The following CDK14 variants were observed in gnomAD, a reference collection of about 807,000 sequenced individuals.
The protein encoded by CDK14 is cyclin dependent kinase 14.
In CDK14, 34 loss-of-function variants were observed where a neutral mutation model predicts 60.7. The ratio of observed to expected loss-of-function variants is 0.56; its 90% CI spans 0.43 to 0.75. The LOEUF is 0.75. Ranked by LOEUF, CDK14 falls within the 30% of genes least tolerant of loss-of-function variation. The pLI is 0.00. For missense variants in CDK14, 482 were observed against 564.1 expected (o/e 0.85, Z 1.47); for synonymous variants, 197 against 203.7 (o/e 0.97, Z 0.28).
chr7:91,066,340 C>T (rs1797980034), intron 11 of CDK14, among the ~76,000 whole-genome samples: 1 of 152,076 alleles, frequency 6.6e-6, no homozygotes, highest in African/African-American at 2.4e-5. Context: ...CTATGGACCC[C>T]CCTCTTTGTC....
Position 91,142,528 on chromosome 7 carries a change from A to G in CDK14, c.*28+24320A>G, listed in dbSNP as rs374609156. On this transcript the variant is annotated intron_variant, in intron 14 of 14. Transcript: ENST00000380050. ...GCCTTTTGTTGTAAGAAGAATTGAC[A>G]AGAGCCTATTTCCTTGTATAAATAA... Among the ~76,000 whole-genome samples, 9 of 152,354 alleles carry G rather than the reference A, an allele frequency of 5.9e-5. No homozygotes were observed. The East Asian group carries it at 9.7e-4, about 16-fold the overall frequency.
intron 8 of CDK14, among the ~76,000 whole-genome samples, chr7:90,931,321 T>C (rs1367428411): frequency 6.6e-6 from 1 of 152,188 alleles, no homozygotes; most frequent in East Asian, 1.9e-4. Flanking sequence ...TATCTGTAAA[T>C]TGAAAGCACA....
intron 2 of CDK14, chr7:90,709,640 T>C (rs750203357): frequency 6.2e-7 from 1 of 1,604,908 alleles, no homozygotes; most frequent in African/African-American, 1.3e-5. Context: ...AAAAAAAAAT[T>C]AGATTTTTTG....
intron 10 of CDK14, among the ~76,000 whole-genome samples, chr7:90,997,463 T>C (rs566403399): frequency 9.2e-5 from 14 of 152,216 alleles, no homozygotes; most frequent in Non-Finnish European, 1.8e-4. Context: ...TGTTTAAAAA[T>C]AGATGCAAAT....
intron 14 of CDK14, among the ~76,000 whole-genome samples, chr7:91,178,522 G>A (rs1011204814): frequency 6.7e-6 from 1 of 150,330 alleles, no homozygotes; most frequent in African/African-American, 2.4e-5. Context: ...GAGTGAACAG[G>A]CAACCTACAA....
intron 10 of CDK14, among the ~76,000 whole-genome samples, chr7:91,037,017 T>A (rs1405643220): frequency 6.6e-6 from 1 of 152,248 alleles, no homozygotes; most frequent in Non-Finnish European, 1.5e-5. Flanking sequence ...TCCTAATCTC[T>A]TTTGACTTCT....
chr7:91,119,356 T>C (rs1799714026), intron 14 of CDK14, among the ~76,000 whole-genome samples: 1 of 152,126 alleles, frequency 6.6e-6, no homozygotes, highest in Admixed American at 6.6e-5. Flanking sequence ...TGGTGGCATG[T>C]GCCTATAGTC....
chr7:90,760,696 A>C (rs1562756904), intron 4 of CDK14, among the ~76,000 whole-genome samples: 1 of 152,370 alleles, frequency 6.6e-6, no homozygotes, highest in Non-Finnish European at 1.5e-5. Context: ...ATAACATCAC[A>C]GTATAATACA....
intron 10 of CDK14, among the ~76,000 whole-genome samples, chr7:91,024,402 C>T (rs1584241627): frequency 6.6e-6 from 1 of 152,120 alleles, no homozygotes; most frequent in Non-Finnish European, 1.5e-5. Context: ...CCTGTAATCC[C>T]AGCACTTTGG....
chr7:91,167,240 A>T (rs1481400542), intron 14 of CDK14, among the ~76,000 whole-genome samples: 1 of 152,180 alleles, frequency 6.6e-6, no homozygotes, highest in Non-Finnish European at 1.5e-5. Context: ...TCTTCTAAAG[A>T]TTTTCTTCAT....
chr7:90,681,519 C>G (rs1801317418), intron 2 of CDK14, among the ~76,000 whole-genome samples: 1 of 152,136 alleles, frequency 6.6e-6, no homozygotes, highest in South Asian at 2.1e-4. Context: ...CTCTGGGATG[C>G]CTGTGCACTC....
chr7:90,648,291 C>T (rs1800514470), intron 2 of CDK14, among the ~76,000 whole-genome samples: 1 of 152,142 alleles, frequency 6.6e-6, no homozygotes, highest in Admixed American at 6.5e-5. Context: ...TTCCTTGCCT[C>T]ATGGACCTCT....
intron 6 of CDK14, among the ~76,000 whole-genome samples, chr7:90,894,416 T>C (rs1792232887): frequency 6.6e-6 from 1 of 152,204 alleles, no homozygotes; most frequent in Non-Finnish European, 1.5e-5. Flanking sequence ...CGCATACACA[T>C]AGTACGTTTT....
chr7:90,856,049 A>G (rs1790807992), intron 5 of CDK14, among the ~76,000 whole-genome samples: 1 of 152,026 alleles, frequency 6.6e-6, no homozygotes, highest in African/African-American at 2.4e-5. Flanking sequence ...AAACTGAAAA[A>G]CTCTTAAGAA....
At chr7:91,171,780 G>A (rs532903629) in intron 14 of CDK14, among the ~76,000 whole-genome samples, 1 of 152,176 alleles carries the variant, frequency 6.6e-6, no homozygotes, top group African/African-American at 2.4e-5. Context: ...CCAAGTAGCT[G>A]GGACCACAGG....
In CDK14 at chr7:90,792,944, G is replaced by A. The variant is rs144932060; in HGVS notation, c.544+2292G>A. ...TTCCCTGGCTCTTTTTAGATTTAGG[G>A]GTCAATTCAAACATCCCATTTCAGA... On this transcript the variant is annotated intron_variant, in intron 5 of 14. Coordinates refer to ENST00000380050, the MANE Select transcript of CDK14 (RefSeq NM_001287135.2). Among the ~76,000 whole-genome samples, 31 of 152,138 alleles carry A rather than the reference G, an allele frequency of 2.0e-4. No individual in the cohort carries two copies. In the East Asian group the frequency reaches 6.0e-3, roughly 29 times the overall value.
chr7:90,909,681 T>C (rs925008924), intron 7 of CDK14, among the ~76,000 whole-genome samples: 19 of 151,702 alleles, frequency 1.3e-4, no homozygotes, highest in African/African-American at 4.6e-4. Context: ...AGAAAGAGAG[T>C]GTGGAATGGA....
chr7:90,895,495 C>G (rs1404735077), intron 6 of CDK14, among the ~76,000 whole-genome samples: 1 of 44,706 alleles, frequency 2.2e-5, no homozygotes, highest in African/African-American at 9.1e-5. Flanking sequence ...CCTCTCCTCT[C>G]CTCTCCTCTC....
chr7:90,702,699 C>G (rs977388917), intron 2 of CDK14, among the ~76,000 whole-genome samples: 7 of 151,984 alleles, frequency 4.6e-5, no homozygotes, highest in African/African-American at 1.7e-4. Context: ...GGCCTGCTTC[C>G]TATTTTATTT....
Sources: allele counts gnomAD v4.1 joint callset (sites outside exome capture counted in the v4.1 genomes callset), GRCh38; gene constraint gnomAD v4.1.1; transcripts MANE v1.5; gene names NCBI Gene and HGNC (gene_info 2026-07-23, HGNC 2026-07-21).